The following CLUH variants were observed in gnomAD, a reference collection of about 807,000 sequenced individuals.
The protein encoded by CLUH is CLUH binding protein of NUMT mRNA.
In CLUH, 77 loss-of-function variants were observed where a neutral mutation model predicts 139.3. That is an observed-to-expected ratio of 0.55 (90% CI 0.46 to 0.67). The LOEUF (loss-of-function observed/expected upper bound fraction) is 0.67. Among genes scored for constraint, CLUH ranks in the 30% least tolerant of loss-of-function variants. The pLI is 0.00. For missense variants in CLUH, 1,876 were observed against 1,875.8 expected (o/e 1.00, Z 0.00); for synonymous variants, 999 against 801.6 (o/e 1.25, Z -4.16).
intron 11 of CLUH, 37 bp from the exon 12 acceptor site, chr17:2,696,575 C>T (rs1253153851): frequency 6.5e-7 from 1 of 1,540,320 alleles, no homozygotes; most frequent in Admixed American, 1.9e-5. Context: ...CGGGTCCCCT[C>T]TGCCACCGGT....
chr17:2,701,725 C>G lies in CLUH; in HGVS notation c.632G>C (p.Arg211Pro), dbSNP rs76563327. 1 of 1,566,890 alleles carries G rather than the reference C, an allele frequency of 6.4e-7. No homozygotes were observed. The highest frequency in any genetic ancestry group is 8.6e-7 in the Non-Finnish European group (1 of 1,156,096). The change falls in exon 5 of 26, where the codon CGG becomes CCG. Residue 211 changes from arginine to proline, a missense_variant. Arg to Pro is a moderately radical substitution (Grantham distance 103, BLOSUM62 -2). This residue lies in a region of CLUH where 270 missense variants were observed against 354.7 expected (regional missense o/e 0.76). Transcript: ENST00000651024. ...GGGGTCCATCTCCAAGCCCTTCTTCCGCTTCCCGCTGTCTGAGGGACCCGA... is the reference window on the plus strand; with the variant it reads ...GGGGTCCATCTCCAAGCCCTTCTTCGGCTTCCCGCTGTCTGAGGGACCCGA... ...TDGDLGDSGKRKKGLEMDPID... is the reference protein window; with the variant it reads ...TDGDLGDSGKPKKGLEMDPID...
rs1239865695 is a variant in CLUH, at chr17:2,695,063, G to A, written c.2646C>T (p.His882=). ...ELSGLSAAIS[H]FLNCFLSSYP... ...AGGAGCTCAGGAAGCAGTTCAGGAA[G>A]TGGCTGATGGCGGCTGAGAGGCCGG... Residue 882 remains histidine (H), a synonymous_variant, in exon 16 of 26, where the codon CAC becomes CAT. Coordinates refer to ENST00000651024, the MANE Select transcript of CLUH (RefSeq NM_001366661.1). 1 of 1,613,128 alleles carries A rather than the reference G, an allele frequency of 6.2e-7. No individual in the cohort carries two copies. Among genetic ancestry groups the A allele is most frequent in the Non-Finnish European group, 8.5e-7 (1 of 1,179,616 alleles).
At chr17:2,709,146 C>T (rs2070439427) in intron 1 of CLUH, among the ~76,000 whole-genome samples, 1 of 152,134 alleles carries the variant, frequency 6.6e-6, no homozygotes, top group African/African-American at 2.4e-5. Flanking sequence ...GAAACTTAGG[C>T]CTCCCAGAGG....
At chr17:2,697,608 C>A (rs1021922929) in intron 10 of CLUH, among the ~76,000 whole-genome samples, 2 of 152,196 alleles carry the variant, frequency 1.3e-5, no homozygotes, top group Non-Finnish European at 2.9e-5. Context: ...CCCGCCCCAG[C>A]ACGGGGACAG....
At position 2,692,151 on chromosome 17, in the gene CLUH, G is replaced by A; in HGVS notation, c.3561-54C>T. The A allele has an allele frequency of 5.9e-6, 9 of 1,528,596 alleles. No homozygotes were observed. The South Asian group carries it at 7.1e-5, about 12-fold the overall frequency. The allele number at this position is 1,528,596 out of a possible 1,614,324, so 94.7% of individuals were successfully genotyped here. On this transcript the variant is annotated intron_variant, in intron 22 of 25. Coordinates refer to ENST00000651024, the MANE Select transcript of CLUH (RefSeq NM_001366661.1). Reference sequence around the variant, plus strand: ...GAAGGGCATAAGTGGGCTGGGTGTGGGGGCCTGACTCGGGGGCCCGGGGTC... The same window carrying A: ...GAAGGGCATAAGTGGGCTGGGTGTGAGGGCCTGACTCGGGGGCCCGGGGTC...
At chr17:2,691,525 C>T in intron 25 of CLUH, 84 bp downstream of exon 25, 1 of 1,388,146 alleles carries the variant, frequency 7.2e-7, no homozygotes, top group Non-Finnish European at 1.0e-6. Context: ...GGCGCCGCCG[C>T]ACTCCAGCCC....
chr17:2,694,849 G>T lies in CLUH; in HGVS notation c.2852+8C>A, dbSNP rs756637860. The stretch of plus-strand genomic sequence containing the variant: ...CCACCCACCCCACCGCCCCTGCCCC[G>T]CACGCACCACTCGAGGTCGAAGTCA... On this transcript the variant is annotated splice_region_variant and intron_variant, in intron 16 of 25. Coordinates refer to ENST00000651024, the MANE Select transcript of CLUH (RefSeq NM_001366661.1). 5 of 534,260 alleles carry T rather than the reference G, an allele frequency of 9.4e-6. No homozygotes were observed. Among genetic ancestry groups the T allele is most frequent in the Admixed American group, 2.8e-5 (1 of 35,428 alleles). 33.1% of individuals were successfully genotyped at this position (534,260 alleles called of 1,614,324 possible).
chr17:2,691,972 GCCCCCGCCCCCGCCACGC>G lies in CLUH; in HGVS notation c.3654+14_3654+31del. ...CCCCGCCCCGCCACGCCCCCGCCCCGCCCCCGCCCCCGCCACGCCCCCGCCGCGCACCTGCGTCTTGTA... is the reference window on the plus strand; with the variant it reads ...CCCCGCCCCGCCACGCCCCCGCCCCGCCCCGCCGCGCACCTGCGTCTTGTA... On this transcript the variant is annotated intron_variant, in intron 23 of 25. Coordinates refer to ENST00000651024, the MANE Select transcript of CLUH (RefSeq NM_001366661.1). 3.8e-6 allele frequency: 3 copies of G among 799,558 alleles called. 1 individual carries two copies. Among genetic ancestry groups the G allele is most frequent in the South Asian group, 5.4e-5 (2 of 37,266 alleles). 49.5% of individuals were successfully genotyped at this position (799,558 alleles called of 1,614,324 possible).
chr17:2,690,418 A>C lies in CLUH; in HGVS notation c.*176T>G, dbSNP rs541230759. The C allele has an allele frequency of 2.0e-6, 1 of 488,976 alleles. No homozygotes were observed. Among genetic ancestry groups the C allele is most frequent in the African/African-American group, 2.0e-5 (1 of 49,756 alleles). The allele number at this position is 488,976 out of a possible 1,614,324, so 30.3% of individuals were successfully genotyped here. A position where few individuals can be genotyped will look rare whatever the true frequency, so the allele number is the denominator to read the frequency against. On this transcript the variant is annotated 3_prime_UTR_variant, in exon 26 of 26. Coordinates refer to ENST00000651024, the MANE Select transcript of CLUH (RefSeq NM_001366661.1). ...CATCTATTCATTGAACCAGCGCAAA[A>C]ACACCTTCTGCGGGGCAGGCAGGCC...
intron 20 of CLUH, 33 bp from the exon 21 acceptor site, chr17:2,692,729 C>T (rs552683035): frequency 1.9e-6 from 3 of 1,602,406 alleles, no homozygotes; most frequent in Admixed American, 1.7e-5. Flanking sequence ...TCAGGGTGGC[C>T]GCGGACCCAG....
chr17:2,711,158 G>C (rs2070507206), intron 1 of CLUH: 1 of 152,284 alleles, frequency 6.6e-6, no homozygotes, highest in African/African-American at 2.4e-5. Context: ...CCGCGGAGCA[G>C]GTGCCGAAGG....
chr17:2,690,547 C>A lies in CLUH; in HGVS notation c.*47G>T. On this transcript the variant is annotated 3_prime_UTR_variant, in exon 26 of 26. Coordinates refer to ENST00000651024, the MANE Select transcript of CLUH (RefSeq NM_001366661.1). ...CTCGCCCCCTTCTCCCGCAGTCGGG[C>A]TCCCTGGTGACGGGGCCGCTGGCTG... 2 of 1,398,072 alleles carry A rather than the reference C, an allele frequency of 1.4e-6. No homozygotes were observed. Among genetic ancestry groups the A allele is most frequent in the Non-Finnish European group, 1.9e-6 (2 of 1,070,334 alleles). The allele number at this position is 1,398,072 out of a possible 1,614,324, so 86.6% of individuals were successfully genotyped here. A position where few individuals can be genotyped will look rare whatever the true frequency, so the allele number is the denominator to read the frequency against.
At position 2,696,093 on chromosome 17, in the gene CLUH, C is replaced by G. The variant is rs528061473; in HGVS notation, c.2391+66G>C. The G allele has an allele frequency of 7.0e-4, 916 of 1,309,842 alleles. 1 individual carries two copies. Among genetic ancestry groups the G allele is most frequent in the Middle Eastern group, 4.3e-3 (18 of 4,194 alleles). The allele number at this position is 1,309,842 out of a possible 1,614,324, so 81.1% of individuals were successfully genotyped here. A position where few individuals can be genotyped will look rare whatever the true frequency, so the allele number is the denominator to read the frequency against. On this transcript the variant is annotated intron_variant, in intron 13 of 25. Transcript: ENST00000651024. ...AGCCTGTGTTCATGGGCCTCCAAGTCGGAGACAGATGAGGGACCAGCACCC... is the reference window on the plus strand; with the variant it reads ...AGCCTGTGTTCATGGGCCTCCAAGTGGGAGACAGATGAGGGACCAGCACCC...
In CLUH at chr17:2,700,818, G is replaced by A. The variant is rs1042270982; in HGVS notation, c.1033C>T (p.Arg345Cys). 7 of 1,520,610 alleles carry A rather than the reference G, an allele frequency of 4.6e-6. No homozygotes were observed. Among genetic ancestry groups the A allele is most frequent in the African/African-American group, 4.2e-5 (3 of 71,822 alleles). 94.2% of individuals were successfully genotyped at this position (1,520,610 alleles called of 1,614,324 possible). Residue 345 changes from arginine to cysteine, a missense_variant, in exon 8 of 26, where the codon CGC (arginine) becomes TGC (cysteine). Physicochemically the swap from Arg to Cys is radical, Grantham distance 180. Around this residue, in one of 3 missense-constraint regions of CLUH, gnomAD observed 270 missense variants for 354.7 expected, o/e 0.76. Transcript: ENST00000651024. ...FAVLQKKRVQ[R>C]HPFERIATPF... Reference sequence around the variant, plus strand: ...GTGGCGATCCTCTCGAACGGGTGGCGCTGGACCCTGTGGCAGGCAGGGGAG... The same window carrying A: ...GTGGCGATCCTCTCGAACGGGTGGCACTGGACCCTGTGGCAGGCAGGGGAG...
Position 2,694,218 on chromosome 17 carries a change from T to A in CLUH, c.2996A>T (p.Asp999Val). 1 of 1,613,136 alleles carries A rather than the reference T, an allele frequency of 6.2e-7. No individual in the cohort carries two copies. The highest frequency in any genetic ancestry group is 8.5e-7 in the Non-Finnish European group (1 of 1,179,524). ...SRHKPAFTEE[D>V]VLNIFPVVKH... ...GACCACGGGGAAGATGTTGAGCACG[T>A]CCTCCTCGGTGAACGCGGGCTTGTG... The change falls in exon 18 of 26, where the codon GAC (aspartate) becomes GTC (valine). Residue 999 changes from aspartate (D) to valine (V), a missense_variant. Asp to Val is a radical substitution (Grantham distance 152, BLOSUM62 -3). This residue lies in a region of CLUH where 1,454 missense variants were observed against 1,384.4 expected (regional missense o/e 1.05). Coordinates refer to ENST00000651024, the MANE Select transcript of CLUH (RefSeq NM_001366661.1).
chr17:2,690,434 C>T lies in CLUH; in HGVS notation c.*160G>A. 4 of 537,830 alleles carry T rather than the reference C, an allele frequency of 7.4e-6. No individual in the cohort carries two copies. Among genetic ancestry groups the T allele is most frequent in the East Asian group, 3.5e-5 (1 of 28,610 alleles). 33.3% of individuals were successfully genotyped at this position (537,830 alleles called of 1,614,324 possible). On this transcript the variant is annotated 3_prime_UTR_variant, in exon 26 of 26. Coordinates refer to ENST00000651024, the MANE Select transcript of CLUH (RefSeq NM_001366661.1). Reference sequence around the variant, plus strand: ...CAGCGCAAAAACACCTTCTGCGGGGCAGGCAGGCCAGGCTCCCAGGAGGAC... The same window carrying T: ...CAGCGCAAAAACACCTTCTGCGGGGTAGGCAGGCCAGGCTCCCAGGAGGAC...
Position 2,700,408 on chromosome 17 carries a change from G to T in CLUH, c.1240C>A (p.Leu414Met). The T allele has an allele frequency of 1.2e-6, 2 of 1,613,418 alleles. No individual in the cohort carries two copies. The highest frequency in any genetic ancestry group is 1.7e-6 in the Non-Finnish European group (2 of 1,179,810). ...TTGAATATGGCCCTTTCTCGGAGCAGCCGCTCAGGCAGGTTCTTGCGAGGC... is the reference window on the plus strand; with the variant it reads ...TTGAATATGGCCCTTTCTCGGAGCATCCGCTCAGGCAGGTTCTTGCGAGGC... ...ELPRKNLPER[L>M]LRERAIFKVH... Residue 414 changes from leucine to methionine, a missense_variant, in exon 9 of 26, where the codon CTG becomes ATG. Leu to Met is a conservative substitution (Grantham distance 15, BLOSUM62 2). Coordinates refer to ENST00000651024, the MANE Select transcript of CLUH (RefSeq NM_001366661.1).
At position 2,692,102 on chromosome 17, in the gene CLUH, CGGGAGGCG is replaced by C; in HGVS notation, c.3561-13_3561-6del. 1 of 1,596,926 alleles carries C rather than the reference CGGGAGGCG, an allele frequency of 6.3e-7. No homozygotes were observed. The highest frequency in any genetic ancestry group is 1.8e-4 in the Middle Eastern group (1 of 5,670). ...ACTCGGGCGACAAGGTGGTGGCTGC[CGGGAGGCG>C]CGGCGCGGGGCGAGGGAAGGGCATA... On this transcript the variant is annotated splice_region_variant and splice_polypyrimidine_tract_variant and intron_variant, in intron 22 of 25. Coordinates refer to ENST00000651024, the MANE Select transcript of CLUH (RefSeq NM_001366661.1).
chr17:2,695,806 G>T, intron 13 of CLUH: 1 of 584,010 alleles, frequency 1.7e-6, no homozygotes, highest in Non-Finnish European at 3.0e-6. Context: ...GAGGCTTGGA[G>T]GCCACGGTGT....
Sources: allele counts gnomAD v4.1 joint callset (sites outside exome capture counted in the v4.1 genomes callset), GRCh38; gene constraint gnomAD v4.1.1; regional missense constraint gnomAD v4.1.1; transcripts MANE v1.5; gene names NCBI Gene and HGNC (gene_info 2026-07-23, HGNC 2026-07-21).